The following KCNK6 variants were observed in gnomAD, a reference collection of about 807,000 sequenced individuals.
KCNK6 encodes potassium channel subfamily K member 6.
A neutral mutation model predicts 21.9 loss-of-function variants in KCNK6; 20 were observed. The observed-to-expected ratio is 0.91, with a 90% CI of 0.64 to 1.32. KCNK6 has a LOEUF of 1.32. Ranked by LOEUF, KCNK6 falls within the 40% of genes most tolerant of loss-of-function variation. The probability of loss-of-function intolerance (pLI) is 0.00; values close to 1 mark genes in which losing one functional copy is unlikely to be tolerated. For missense variants in KCNK6, 415 were observed against 433.1 expected (o/e 0.96, Z 0.37); for synonymous variants, 210 against 218.0 (o/e 0.96, Z 0.32).
In KCNK6 at chr19:38,326,789, G is replaced by A. The variant is rs781339338; in HGVS notation, c.519G>A (p.Leu173=). ...CCCGGCGGGCGGCCTGCTGGCACTT[G>A]GTGGCCCTGTTGGGGGTCGTAGTGA... is the stretch of plus-strand genomic sequence containing the variant. The part of the protein sequence containing the change: ...WDPRRAACWH[L]VALLGVVVTV... The change falls in exon 2 of 3, where the codon TTG becomes TTA. Residue 173 remains leucine (L), a synonymous_variant. Transcript: ENST00000263372. 1 of 1,605,962 alleles carries A rather than the reference G, an allele frequency of 6.2e-7. No individual in the cohort carries two copies. The highest frequency in any genetic ancestry group is 8.5e-7 in the Non-Finnish European group (1 of 1,179,986).
At chr19:38,320,802 G>C (rs886930387) in intron 1 of KCNK6, among the ~76,000 whole-genome samples, 11 of 152,024 alleles carry the variant, frequency 7.2e-5, no homozygotes, top group African/African-American at 2.7e-4. Context: ...CAGGTGATCA[G>C]CCCGCCTCGC....
rs1415302286 is a variant in KCNK6, at chr19:38,326,832, C to T, written c.562C>T (p.Pro188Ser). 1 of 1,609,976 alleles carries T rather than the reference C, an allele frequency of 6.2e-7. No individual in the cohort carries two copies. Among genetic ancestry groups the T allele is most frequent in the Non-Finnish European group, 8.5e-7 (1 of 1,179,972 alleles). ...CGTAGTGACCGTCTGCTTTCTGGTG[C>T]CGGCTGTGATCTTTGCCCACCTCGA... ...GVVVTVCFLVPAVIFAHLEEA... is the reference protein window; with the variant it reads ...GVVVTVCFLVSAVIFAHLEEA... The change falls in exon 2 of 3, where the codon CCG (proline) becomes TCG (serine). Residue 188 changes from proline (P) to serine (S), a missense_variant. Transcript: ENST00000263372.
At chr19:38,326,351 C>A (rs1288111651) in intron 1 of KCNK6, among the ~76,000 whole-genome samples, 4 of 152,142 alleles carry the variant, frequency 2.6e-5, no homozygotes, top group African/African-American at 9.7e-5. Flanking sequence ...GAGCTCGAGA[C>A]TAGCCTGGGC....
In KCNK6 at chr19:38,326,731, T is replaced by C; in HGVS notation, c.461T>C (p.Leu154Pro). ...TCACTGCTGCTGACTCACGTGCCCC[T>C]GTCTTGGCTGAGCATGCGTTGGGGC... ...RLSLLLTHVPLSWLSMRWGWD... is the reference protein window; with the variant it reads ...RLSLLLTHVPPSWLSMRWGWD... Residue 154 changes from leucine (L) to proline (P), a missense_variant, in exon 2 of 3, where the codon CTG (leucine) becomes CCG (proline). By Grantham distance (98) the Leu-to-Pro change is moderately conservative (BLOSUM62 -3). Transcript: ENST00000263372. The C allele has an allele frequency of 1.2e-6, 2 of 1,604,526 alleles. No individual in the cohort carries two copies. The highest frequency in any genetic ancestry group is 2.2e-5 in the South Asian group (2 of 91,078).
intron 1 of KCNK6, among the ~76,000 whole-genome samples, chr19:38,326,079 C>T (rs552176039): frequency 2.2e-4 from 34 of 152,218 alleles, no homozygotes; most frequent in African/African-American, 6.5e-4. Context: ...AGATGGAGTG[C>T]GGCATGAGTG....
chr19:38,321,420 A>G (rs1267049469), intron 1 of KCNK6, among the ~76,000 whole-genome samples: 1 of 152,152 alleles, frequency 6.6e-6, no homozygotes, highest in African/African-American at 2.4e-5. Flanking sequence ...CAATAGGGAC[A>G]CCACCTGTTC....
intron 1 of KCNK6, chr19:38,325,359 C>T: frequency 1.0e-6 from 1 of 971,436 alleles, no homozygotes; most frequent in Non-Finnish European, 1.2e-6. Flanking sequence ...TCATAATCTG[C>T]CCGCCTAGGC....
In KCNK6 at chr19:38,328,482, G is replaced by C. The variant is rs1969736252; in HGVS notation, c.*1079G>C. The C allele has an allele frequency of 6.6e-6, 1 of 152,304 alleles. No individual in the cohort carries two copies. Among genetic ancestry groups the C allele is most frequent in the Non-Finnish European group, 1.5e-5 (1 of 68,102 alleles). The allele number at this position is 152,304 out of a possible 1,614,324, so 9.4% of individuals were successfully genotyped here. On this transcript the variant is annotated 3_prime_UTR_variant, in exon 3 of 3. Transcript: ENST00000263372. ...CACGTCTGGCCTGTGTCCTTGGGCA[G>C]TCACACTACCTCTCTGATTTTGTTT...
chr19:38,325,399 G>A (rs1969697426), intron 1 of KCNK6: 4 of 985,486 alleles, frequency 4.1e-6, no homozygotes, highest in South Asian at 9.4e-5. Context: ...ACAGACCTGA[G>A]CCACCACGCC....
chr19:38,322,768 T>G (rs977390239), intron 1 of KCNK6, among the ~76,000 whole-genome samples: 1 of 150,746 alleles, frequency 6.6e-6, no homozygotes, highest in Non-Finnish European at 1.5e-5. Context: ...TAAGCTGAGA[T>G]TGTGCCACTG....
At chr19:38,321,184 A>G (rs959837510) in intron 1 of KCNK6, among the ~76,000 whole-genome samples, 3 of 152,122 alleles carry the variant, frequency 2.0e-5, no homozygotes, top group Non-Finnish European at 2.9e-5. Flanking sequence ...TGTCCTCACT[A>G]AAGACCTCCC....
At chr19:38,326,109 A>C (rs969519001) in intron 1 of KCNK6, among the ~76,000 whole-genome samples, 1 of 152,216 alleles carries the variant, frequency 6.6e-6, no homozygotes, top group African/African-American at 2.4e-5. Flanking sequence ...TCAGGGATGA[A>C]GGCAAGGCTC....
At chr19:38,327,077 C>G in intron 2 of KCNK6, 89 bp downstream of exon 2, 1 of 1,560,722 alleles carries the variant, frequency 6.4e-7, no homozygotes, top group Non-Finnish European at 8.7e-7. Context: ...TCTGGGACTT[C>G]CAAAAGGGAT....
chr19:38,331,675 TAA>T lies in KCNK6; in HGVS notation c.*4274_*4275del, dbSNP rs1969769554. Reference sequence around the variant, plus strand: ...GTGTGCTAAAAAATTCATCAGGTACTAAAGAGTGTACGGTGGAAAGTAAGTCT... The same window carrying T: ...GTGTGCTAAAAAATTCATCAGGTACTAGAGTGTACGGTGGAAAGTAAGTCT... On this transcript the variant is annotated 3_prime_UTR_variant, in exon 3 of 3. Coordinates refer to ENST00000263372, the MANE Select transcript of KCNK6 (RefSeq NM_004823.3). 1 of 151,886 alleles carries T rather than the reference TAA, an allele frequency of 6.6e-6. No homozygotes were observed. The highest frequency in any genetic ancestry group is 1.5e-5 in the Non-Finnish European group (1 of 67,990). The allele number at this position is 151,886 out of a possible 1,614,324, so 9.4% of individuals were successfully genotyped here.
chr19:38,326,736 TG>T lies in KCNK6; in HGVS notation c.468del (p.Trp156CysfsTer2), dbSNP rs1488193442. The T allele has an allele frequency of 2.5e-6, 4 of 1,604,424 alleles. No individual in the cohort carries two copies. The Admixed American group carries it at 6.7e-5, about 27-fold the overall frequency. On this transcript the variant is annotated frameshift_variant, in exon 2 of 3. Coordinates refer to ENST00000263372, the MANE Select transcript of KCNK6 (RefSeq NM_004823.3). LOFTEE classifies it high-confidence loss of function. ...SLLLTHVPLS[W>X]LSMRWGWDPR... ...GCTGCTGACTCACGTGCCCCTGTCT[TG>T]GCTGAGCATGCGTTGGGGCTGGGAC... is the stretch of plus-strand genomic sequence containing the variant.
At position 38,326,618 on chromosome 19, in the gene KCNK6, T is replaced by G. The variant is rs199630800; in HGVS notation, c.348T>G (p.Thr116=). Reference sequence around the variant, plus strand: ...GCTATGGGTACACAACGCCACTGACTGATGCGGGCAAGGCCTTCTCCATCG... The same window carrying G: ...GCTATGGGTACACAACGCCACTGACGGATGCGGGCAAGGCCTTCTCCATCG... ...TVGYGYTTPL[T]DAGKAFSIAF... is the part of the protein sequence containing the mutation. The change falls in exon 2 of 3, where the codon ACT becomes ACG. Residue 116 remains threonine, a synonymous_variant. Transcript: ENST00000263372. 111 of 1,611,384 alleles carry G rather than the reference T, an allele frequency of 6.9e-5. No homozygotes were observed. The highest frequency in any genetic ancestry group is 8.2e-5 in the Non-Finnish European group (97 of 1,179,636).
chr19:38,321,010 C>T (rs1019003759), intron 1 of KCNK6, among the ~76,000 whole-genome samples: 2 of 152,212 alleles, frequency 1.3e-5, no homozygotes, highest in South Asian at 4.1e-4. Flanking sequence ...CTCAACCATG[C>T]CAGGACCCCT....
chr19:38,323,886 G>T (rs2145040277), intron 1 of KCNK6, among the ~76,000 whole-genome samples: 1 of 149,874 alleles, frequency 6.7e-6, no homozygotes, highest in East Asian at 2.0e-4. Context: ...GAGCCACCTT[G>T]CCTGGCCAGG....
Position 38,326,762 on chromosome 19 carries a change from C to T in KCNK6, c.492C>T (p.Asp164=), listed in dbSNP as rs765019002. The T allele has an allele frequency of 6.2e-7, 1 of 1,604,318 alleles. No homozygotes were observed. The highest frequency in any genetic ancestry group is 8.5e-7 in the Non-Finnish European group (1 of 1,179,956). The change falls in exon 2 of 3, where the codon GAC becomes GAT. Residue 164 remains aspartate (D), a synonymous_variant. Transcript: ENST00000263372. The part of the protein sequence containing the change: ...LSWLSMRWGW[D]PRRAACWHLV... ...GGCTGAGCATGCGTTGGGGCTGGGA[C>T]CCCCGGCGGGCGGCCTGCTGGCACT... is the stretch of plus-strand genomic sequence containing the variant.
Sources: allele counts gnomAD v4.1 joint callset (sites outside exome capture counted in the v4.1 genomes callset), GRCh38; gene constraint gnomAD v4.1.1; transcripts MANE v1.5; gene names NCBI Gene and HGNC (gene_info 2026-07-23, HGNC 2026-07-21).